ITGA8: variants seen among roughly 807,000 people sequenced by gnomAD.
ITGA8 encodes integrin alpha-8.
Under a neutral mutation model 142.3 loss-of-function variants are expected in ITGA8, and 91 were observed. That is an observed-to-expected ratio of 0.64 (90% CI 0.54 to 0.76). The LOEUF is 0.76. Among genes scored for constraint, ITGA8 ranks in the 30% least tolerant of loss-of-function variants. The pLI, the probability that ITGA8 is intolerant of heterozygous loss-of-function variation, is 0.00. For synonymous variants in ITGA8, 505 were observed against 485.2 expected, an observed-to-expected ratio of 1.04 and a Z score of -0.54; for missense variants, 1,406 against 1,327.7, an observed-to-expected ratio of 1.06 and a Z score of -0.92.
At chr10:15,609,572 C>T (rs563728684) in intron 15 of ITGA8, among the ~76,000 whole-genome samples, 86 of 152,082 alleles carry the variant, frequency 5.7e-4, no homozygotes, top group Non-Finnish European at 1.1e-3. Context: ...GTGTTTATTC[C>T]GCTTCCCCAG....
At chr10:15,715,166 G>A (rs1835427872) in intron 2 of ITGA8, among the ~76,000 whole-genome samples, 1 of 152,068 alleles carries the variant, frequency 6.6e-6, no homozygotes, top group East Asian at 1.9e-4. Flanking sequence ...GCTTATCAGA[G>A]ACCATGAAGG....
Position 15,572,352 on chromosome 10 carries a change from T to C in ITGA8, c.2496A>G (p.Pro832=), listed in dbSNP as rs774377260. Residue 832 remains proline (P), a synonymous_variant, in exon 25 of 30, where the codon CCA becomes CCG. Transcript: ENST00000378076. ...CCAGGATGGTGTCACTGATGGTACT[T>C]GGTCCAATATTGTGCAGCTGTAAAC... The part of the protein sequence containing the change: ...EHIYELHNIG[P]STISDTILEV... 2 of 1,613,930 alleles carry C rather than the reference T, an allele frequency of 1.2e-6. No individual in the cohort carries two copies. The highest frequency in any genetic ancestry group is 1.7e-6 in the Non-Finnish European group (2 of 1,179,904).
intron 11 of ITGA8, among the ~76,000 whole-genome samples, chr10:15,651,650 A>C (rs566490657): frequency 1.1e-4 from 16 of 152,194 alleles, no homozygotes; most frequent in African/African-American, 3.6e-4. Flanking sequence ...TTGTGTACAA[A>C]TGTACTTAAC....
chr10:15,694,322 T>TGATATATCATATATCA (rs1835000002), intron 2 of ITGA8, among the ~76,000 whole-genome samples: 9 of 11,920 alleles, frequency 7.6e-4, no homozygotes, highest in Non-Finnish European at 2.5e-3. Flanking sequence ...ATCATATATA[T>TGATATATCATATATCA]GATAATATAT....
chr10:15,563,822 C>T (rs1156620973), intron 25 of ITGA8, among the ~76,000 whole-genome samples: 2 of 151,778 alleles, frequency 1.3e-5, no homozygotes, highest in Admixed American at 6.6e-5. Context: ...GATGCTGAGG[C>T]AGGAGAGGTG....
In ITGA8 at chr10:15,604,330, C is replaced by T. The variant is rs762992859; in HGVS notation, c.1996G>A (p.Asp666Asn). The change falls in exon 20 of 30, where the codon GAT becomes AAT. Residue 666 changes from aspartate (D) to asparagine (N), a missense_variant. By Grantham distance (23) the Asp-to-Asn change is conservative (BLOSUM62 1). Coordinates refer to ENST00000378076, the MANE Select transcript of ITGA8 (RefSeq NM_003638.3). ...ATTATGAGCATAAGGTGATTTTCAT[C>T]TCCAATGATTACCTGATGCTTATCT... ...RPDKHQVIIG[D>N]ENHLMLIINA... is the part of the protein sequence containing the mutation. 6.2e-7 allele frequency: 1 copy of T among 1,611,944 alleles called. No individual in the cohort carries two copies. The highest frequency in any genetic ancestry group is 2.2e-5 in the East Asian group (1 of 44,830).
chr10:15,633,621 T>A (rs548362978), intron 13 of ITGA8, among the ~76,000 whole-genome samples: 1 of 152,254 alleles, frequency 6.6e-6, no homozygotes, highest in African/African-American at 2.4e-5. Flanking sequence ...GGTTTTACCA[T>A]GTTGGCCAGA....
At position 15,647,104 on chromosome 10, in the gene ITGA8, T is replaced by C. The variant is rs188016160; in HGVS notation, c.1002-53A>G. The C allele has an allele frequency of 2.8e-4, 382 of 1,374,322 alleles. No individual in the cohort carries two copies. The African/African-American group carries it at 4.1e-3, about 15-fold the overall frequency. The allele number at this position is 1,374,322 out of a possible 1,614,324, so 85.1% of individuals were successfully genotyped here. ...CACGCTAGCAGAGAGTAGAGTCACTTTGGGTTATTTGTAATCAACTAGACT... is the reference window on the plus strand; with the variant it reads ...CACGCTAGCAGAGAGTAGAGTCACTCTGGGTTATTTGTAATCAACTAGACT... On this transcript the variant is annotated intron_variant, in intron 11 of 29. Coordinates refer to ENST00000378076, the MANE Select transcript of ITGA8 (RefSeq NM_003638.3).
chr10:15,532,496 A>C (rs2131543480), intron 27 of ITGA8, among the ~76,000 whole-genome samples: 1 of 151,636 alleles, frequency 6.6e-6, no homozygotes, highest in Non-Finnish European at 1.5e-5. Context: ...CACCCCAGTT[A>C]AGAACCACTG....
At chr10:15,718,971 C>A (rs1677144910) in intron 1 of ITGA8, 72 bp from the exon 2 acceptor site, 2 of 1,605,122 alleles carry the variant, frequency 1.2e-6, no homozygotes, top group Non-Finnish European at 8.5e-7. Context: ...GTCTCTGTAA[C>A]CTCCTGCCCG....
At chr10:15,526,913 T>C (rs958995767) in intron 28 of ITGA8, among the ~76,000 whole-genome samples, 2 of 152,206 alleles carry the variant, frequency 1.3e-5, no homozygotes, top group African/African-American at 4.8e-5. Context: ...ACCTTTAATA[T>C]GCCTACATTT....
At position 15,575,480 on chromosome 10, in the gene ITGA8, A is replaced by T; in HGVS notation, c.2478+9T>A. 1 of 1,593,160 alleles carries T rather than the reference A, an allele frequency of 6.3e-7. No individual in the cohort carries two copies. Among genetic ancestry groups the T allele is most frequent in the Middle Eastern group, 1.7e-4 (1 of 6,022 alleles). On this transcript the variant is annotated intron_variant, in intron 24 of 29. Transcript: ENST00000378076. ...CCCCTAACACAACTTTAACACAGAC[A>T]ATGGCTACCTCATAAATATGTTCCA...
chr10:15,711,548 T>G (rs1835364107), intron 2 of ITGA8, among the ~76,000 whole-genome samples: 2 of 152,106 alleles, frequency 1.3e-5, no homozygotes, highest in Non-Finnish European at 2.9e-5. Flanking sequence ...ATTTACGTAT[T>G]TATAAAATCC....
intron 25 of ITGA8, among the ~76,000 whole-genome samples, chr10:15,567,623 C>T (rs1010761547): frequency 3.9e-5 from 6 of 152,158 alleles, no homozygotes; most frequent in African/African-American, 9.7e-5. Flanking sequence ...AAACTATCAC[C>T]GGAGAAACAG....
chr10:15,691,496 A>C (rs1171305449), intron 2 of ITGA8, among the ~76,000 whole-genome samples: 1 of 152,216 alleles, frequency 6.6e-6, no homozygotes, highest in Non-Finnish European at 1.5e-5. Context: ...GATGGAACAC[A>C]ATTTTGCCTT....
chr10:15,672,079 T>G (rs1487723055), intron 7 of ITGA8, among the ~76,000 whole-genome samples: 1 of 152,198 alleles, frequency 6.6e-6, no homozygotes, highest in Admixed American at 6.5e-5. Flanking sequence ...ACCTACTTCC[T>G]AATACCTCAT....
At chr10:15,538,953 GTTTTTTTT>G (rs367805176) in intron 27 of ITGA8, among the ~76,000 whole-genome samples, 2 of 132,194 alleles carry the variant, frequency 1.5e-5, no homozygotes, top group African/African-American at 2.7e-5. Context: ...TCAGGTAAAG[GTTTTTTTT>G]TTTTTTTTTT....
intron 20 of ITGA8, among the ~76,000 whole-genome samples, chr10:15,601,740 T>C (rs1432797084): frequency 2.0e-5 from 3 of 152,180 alleles, no homozygotes; most frequent in Non-Finnish European, 4.4e-5. Context: ...CATTTACATT[T>C]TCTAAAAAGA....
chr10:15,692,400 A>T (rs1327409174), intron 2 of ITGA8, among the ~76,000 whole-genome samples: 6 of 152,212 alleles, frequency 3.9e-5, no homozygotes, highest in Non-Finnish European at 7.3e-5. Context: ...TTTTCTTAAG[A>T]TTTGCATTTC....
Sources: allele counts gnomAD v4.1 joint callset (sites outside exome capture counted in the v4.1 genomes callset), GRCh38; gene constraint gnomAD v4.1.1; transcripts MANE v1.5; gene names NCBI Gene and HGNC (gene_info 2026-07-23, HGNC 2026-07-21).